The following ADGRL3 variants were observed in gnomAD, a reference collection of about 807,000 sequenced individuals.
The protein encoded by ADGRL3 is adhesion G protein-coupled receptor L3, also known as calcium-independent alpha-latrotoxin receptor 3.
A neutral mutation model predicts 153.5 loss-of-function variants in ADGRL3; 62 were observed. The observed-to-expected ratio is 0.40, with a 90% confidence interval of 0.33 to 0.50. The LOEUF is 0.50. Ranked by LOEUF, ADGRL3 falls within the 20% of genes least tolerant of loss-of-function variation. ADGRL3 has a pLI of 0.47. For missense variants in ADGRL3, 1,641 were observed against 1,859.4 expected (o/e 0.88, Z 2.16); for synonymous variants, 710 against 672.5 (o/e 1.06, Z -0.86).
intron 8 of ADGRL3, among the ~76,000 whole-genome samples, chr4:61,741,245 G>A (rs1457861590): frequency 1.3e-5 from 2 of 152,182 alleles, no homozygotes; most frequent in African/African-American, 2.4e-5. Flanking sequence ...CCTAAAAGTA[G>A]TAGGATCTTA....
In ADGRL3 at chr4:61,733,341, G is replaced by A. The variant is rs2096466514; in HGVS notation, c.1186G>A (p.Glu396Lys). Residue 396 changes from glutamate to lysine, a missense_variant, in exon 8 of 27, where the codon GAG becomes AAG. Physicochemically the swap from Glu to Lys is moderately conservative, Grantham distance 56. Around this residue, in one of 5 missense-constraint regions of ADGRL3, gnomAD observed 734 missense variants for 797.0 expected, o/e 0.92. Transcript: ENST00000683033. ...TCTGTATGTGGTCAAATCTGTATAT[G>A]AGGATGATGACAATGAGGCTACTGG... ...GILYVVKSVY[E>K]DDDNEATGNK... is the part of the protein sequence containing the mutation. 1.2e-6 allele frequency: 2 copies of A among 1,613,534 alleles called. No individual in the cohort carries two copies. The highest frequency in any genetic ancestry group is 1.7e-6 in the Non-Finnish European group (2 of 1,179,762).
At chr4:61,926,011 C>T (rs1266642432) in intron 13 of ADGRL3, among the ~76,000 whole-genome samples, 1 of 152,094 alleles carries the variant, frequency 6.6e-6, no homozygotes, top group Non-Finnish European at 1.5e-5. Context: ...TGTTACACAC[C>T]TAGGCTACAT....
At chr4:61,645,994 C>CT (rs989251408) in intron 5 of ADGRL3, among the ~76,000 whole-genome samples, 92 of 152,180 alleles carry the variant, frequency 6.0e-4, no homozygotes, top group African/African-American at 2.1e-3. Context: ...TCTTTTTATT[C>CT]TTTTTTCTCT....
chr4:61,935,946 A>G lies in ADGRL3; in HGVS notation c.2320A>G (p.Thr774Ala). 6.3e-7 allele frequency: 1 copy of G among 1,596,740 alleles called. No homozygotes were observed. The highest frequency in any genetic ancestry group is 8.5e-7 in the Non-Finnish European group (1 of 1,170,772). ...AGAATTGGAAGTTGCAAGACTGAGC[A>G]CAGAAGGAAACTTAGAAGACCTAAA... ...NIKLEVARLS[T>A]EGNLEDLKFP... Residue 774 changes from threonine (T) to alanine (A), a missense_variant, in exon 15 of 27, where the codon ACA becomes GCA. Transcript: ENST00000683033.
intron 8 of ADGRL3, among the ~76,000 whole-genome samples, chr4:61,772,502 C>T (rs2097098067): frequency 2.6e-5 from 4 of 152,144 alleles, no homozygotes; most frequent in Non-Finnish European, 5.9e-5. Flanking sequence ...TTTTACACGA[C>T]ATGAGAGACT....
intron 2 of ADGRL3, among the ~76,000 whole-genome samples, chr4:61,488,964 C>A (rs890007444): frequency 1.3e-5 from 2 of 151,862 alleles, no homozygotes; most frequent in African/African-American, 4.8e-5. Context: ...AATCTTTTAT[C>A]GAATGTTCTT....
At chr4:62,013,403 A>G (rs1048654348) in intron 21 of ADGRL3, among the ~76,000 whole-genome samples, 1 of 151,998 alleles carries the variant, frequency 6.6e-6, no homozygotes, top group Admixed American at 6.6e-5. Flanking sequence ...TTAGCCAGGC[A>G]TGGTGGCACG....
At chr4:61,638,308 A>C (rs1440298389) in intron 5 of ADGRL3, among the ~76,000 whole-genome samples, 5 of 152,148 alleles carry the variant, frequency 3.3e-5, no homozygotes, top group African/African-American at 1.2e-4. Context: ...ATACTGTATG[A>C]TTTCTTGATC....
intron 2 of ADGRL3, among the ~76,000 whole-genome samples, chr4:61,484,345 T>C (rs1579115295): frequency 6.6e-6 from 1 of 152,332 alleles, no homozygotes; most frequent in East Asian, 1.9e-4. Flanking sequence ...CAAAGCAGTC[T>C]TCTTATCCTG....
chr4:62,032,129 G>T (rs1344661451), intron 23 of ADGRL3, among the ~76,000 whole-genome samples: 1 of 151,202 alleles, frequency 6.6e-6, no homozygotes, highest in Non-Finnish European at 1.5e-5. Context: ...TATATTTTTT[G>T]AATGAATGAT....
intron 25 of ADGRL3, among the ~76,000 whole-genome samples, chr4:62,061,371 T>G (rs1013042790): frequency 6.6e-6 from 1 of 151,324 alleles, no homozygotes; most frequent in African/African-American, 2.5e-5. Context: ...CCCTCATATC[T>G]TGTGAAACTA....
chr4:61,283,181 T>C (rs923839725), intron 1 of ADGRL3, among the ~76,000 whole-genome samples: 2 of 152,094 alleles, frequency 1.3e-5, no homozygotes, highest in African/African-American at 4.8e-5. Flanking sequence ...CCATGAATAA[T>C]TGTATTACAC....
intron 1 of ADGRL3, among the ~76,000 whole-genome samples, chr4:61,318,110 TAGGTTGCAGTGAGCCAA>T (rs2095265591): frequency 2.1e-5 from 3 of 143,246 alleles, no homozygotes; most frequent in Admixed American, 7.3e-5. Flanking sequence ...CTGGGGGGCG[TAGGTTGCAGTGAGCCAA>T]AGGTTGCAGT....
chr4:61,267,605 G>T (rs2092927279), intron 1 of ADGRL3, among the ~76,000 whole-genome samples: 1 of 151,578 alleles, frequency 6.6e-6, no homozygotes, highest in Admixed American at 6.6e-5. Context: ...TTGTAAGTAT[G>T]ATTAATAGGG....
intron 25 of ADGRL3, among the ~76,000 whole-genome samples, chr4:62,048,697 G>C (rs1433500599): frequency 6.6e-6 from 1 of 151,694 alleles, no homozygotes; most frequent in Non-Finnish European, 1.5e-5. Flanking sequence ...GCTAGAACTA[G>C]AGGCTCCCAC....
intron 8 of ADGRL3, among the ~76,000 whole-genome samples, chr4:61,767,388 A>G (rs1363408470): frequency 1.3e-5 from 2 of 152,108 alleles, no homozygotes. Flanking sequence ...ATCAATACCC[A>G]CAACAGTTAT....
intron 3 of ADGRL3, among the ~76,000 whole-genome samples, chr4:61,505,177 T>C (rs1429836092): frequency 2.0e-5 from 3 of 152,190 alleles, no homozygotes; most frequent in African/African-American, 7.2e-5. Flanking sequence ...ATTGTAGTTA[T>C]AATTTGCACT....
chr4:61,699,111 C>T (rs2095699892), intron 6 of ADGRL3, among the ~76,000 whole-genome samples: 3 of 152,150 alleles, frequency 2.0e-5, no homozygotes, highest in Admixed American at 2.0e-4. Flanking sequence ...GTGTTTGCAA[C>T]ATCCCCAAGA....
rs2095592928 is a variant in ADGRL3 at position 61,694,176 on chromosome 4, A to ATTTTTTTTTT, written c.583+17243_583+17244insTTTTTTTTTT. 3.2e-5 allele frequency among the ~76,000 whole-genome samples: 3 copies of ATTTTTTTTTT among 94,702 alleles called. 1 individual carries two copies. The highest frequency in any genetic ancestry group is 1.1e-4 in the African/African-American group (3 of 27,122). 62.1% of individuals were successfully genotyped at this position (94,702 alleles called of 152,430 possible). A position where few individuals can be genotyped will look rare whatever the true frequency, so the allele number is the denominator to read the frequency against. The stretch of plus-strand genomic sequence containing the variant: ...TCCTATACTATTTTAAAATTTTGTC[A>ATTTTTTTTTT]TTATTTTTTTTTTTTTTTTTTTTTT... On this transcript the variant is annotated intron_variant, in intron 6 of 26. Transcript: ENST00000683033.
Sources: allele counts gnomAD v4.1 joint callset (sites outside exome capture counted in the v4.1 genomes callset), GRCh38; gene constraint gnomAD v4.1.1; regional missense constraint gnomAD v4.1.1; transcripts MANE v1.5; gene names NCBI Gene and HGNC (gene_info 2026-07-23, HGNC 2026-07-21).